Variants in ATOSB observed in about 807,000 individuals in gnomAD.
ATOSB encodes atos homolog protein B.
At chr9:35,114,219 C>T in the ATOSB span, among the ~76,000 whole-genome samples, 3 of 152,146 alleles carry the variant, frequency 2.0e-5, no homozygotes, top group Admixed American at 6.5e-5. Context: ...CACAAACCGC[C>T]CCAGTCCTGA....
the ATOSB span, among the ~76,000 whole-genome samples, chr9:35,107,079 T>C: frequency 2.0e-5 from 3 of 152,114 alleles, no homozygotes; most frequent in East Asian, 5.8e-4. Context: ...CACAACACTT[T>C]AGAAGGCCAA....
chr9:35,108,097 A>G, the ATOSB span: 2 of 1,549,580 alleles, frequency 1.3e-6, no homozygotes, highest in Non-Finnish European at 1.7e-6. Flanking sequence ...TGAGGCTCAG[A>G]GGTACCAGCC....
the ATOSB span, chr9:35,107,017 A>C: frequency 2.4e-6 from 2 of 845,644 alleles, no homozygotes; most frequent in Non-Finnish European, 3.8e-6. Context: ...CCACACAAAT[A>C]TCCACTTAAG....
the ATOSB span, chr9:35,105,474 T>G: frequency 1.1e-5 from 15 of 1,426,186 alleles, no homozygotes; most frequent in Non-Finnish European, 1.4e-5. This position sits in a 1 kb window ranked among gnomAD's most constrained non-coding sequence, Gnocchi z 5.5. Flanking sequence ...GGAGGACTGC[T>G]TGAGCCCAGG....
chr9:35,108,042 T>G, the ATOSB span: 1 of 1,536,756 alleles, frequency 6.5e-7, no homozygotes, highest in African/African-American at 1.4e-5. Flanking sequence ...TCTCTTCAGC[T>G]CCCGGGGACC....
the ATOSB span, chr9:35,108,136 C>A: frequency 1.3e-6 from 2 of 1,575,142 alleles, no homozygotes; most frequent in South Asian, 1.2e-5. Flanking sequence ...ACCTGGTAGA[C>A]CCCGGGGGAT....
At chr9:35,108,358 G>C in the ATOSB span, 1 of 1,435,888 alleles carries the variant, frequency 7.0e-7, no homozygotes, top group Non-Finnish European at 9.1e-7. Flanking sequence ...ATCTGTGTAA[G>C]AGAAGAGAAG....
At chr9:35,106,798 C>A in the ATOSB span, 1 of 1,554,492 alleles carries the variant, frequency 6.4e-7, no homozygotes. The surrounding 1 kb of genome is among the most constrained non-coding windows in gnomAD (Gnocchi z 4.6). Context: ...CCCCCATTCT[C>A]AGGGACAGGG....
At chr9:35,108,167 G>A in the ATOSB span, 5 of 1,591,878 alleles carry the variant, frequency 3.1e-6, no homozygotes, top group South Asian at 5.6e-5. Flanking sequence ...CTGCTGGGCT[G>A]TAGCCCATGA....
At chr9:35,108,330 G>GCTGGGGGGC in the ATOSB span, 1 of 1,483,818 alleles carries the variant, frequency 6.7e-7, no homozygotes, top group Non-Finnish European at 8.9e-7. Context: ...CTGGGCCTGG[G>GCTGGGGGGC]CTGGGGGGCC....
chr9:35,106,946 G>A, the ATOSB span: 5 of 1,476,840 alleles, frequency 3.4e-6, no homozygotes, highest in Non-Finnish European at 4.6e-6. The surrounding 1 kb of genome is among the most constrained non-coding windows in gnomAD (Gnocchi z 4.6). Flanking sequence ...GTATGTTTTG[G>A]GGCAGAAGCT....
At chr9:35,113,452 C>T in the ATOSB span, among the ~76,000 whole-genome samples, 2 of 152,000 alleles carry the variant, frequency 1.3e-5, no homozygotes, top group South Asian at 2.1e-4. Flanking sequence ...GGTGAAACCC[C>T]GTCTCTACTA....
chr9:35,105,047 C>T, the ATOSB span: 1 of 646,168 alleles, frequency 1.5e-6, no homozygotes, highest in Non-Finnish European at 2.5e-6. This position sits in a 1 kb window ranked among gnomAD's most constrained non-coding sequence, Gnocchi z 5.5. Context: ...CGAAGTAGGG[C>T]AGGGTGTAGT....
At chr9:35,105,032 G>T in the ATOSB span, 1 of 555,382 alleles carries the variant, frequency 1.8e-6, no homozygotes. The surrounding 1 kb of genome is among the most constrained non-coding windows in gnomAD (Gnocchi z 5.5). Flanking sequence ...GGCACATGGA[G>T]TACCCGAAGT....
chr9:35,109,882 C>G, the ATOSB span: 2 of 152,516 alleles, frequency 1.3e-5, no homozygotes, highest in African/African-American at 4.8e-5. Flanking sequence ...ACCCCTCCAT[C>G]CAACCCCAAG....
chr9:35,114,759 C>T, the ATOSB span, among the ~76,000 whole-genome samples: 3 of 152,322 alleles, frequency 2.0e-5, no homozygotes, highest in African/African-American at 4.8e-5. Flanking sequence ...CACTTCCCCC[C>T]TCCCACAGAA....
chr9:35,106,025 G>A, the ATOSB span: 20 of 1,610,774 alleles, frequency 1.2e-5, no homozygotes, highest in Non-Finnish European at 1.5e-5. This position sits in a 1 kb window ranked among gnomAD's most constrained non-coding sequence, Gnocchi z 4.6. Context: ...AGGCCAGGGA[G>A]CCATCAGTCA....
the ATOSB span, among the ~76,000 whole-genome samples, chr9:35,114,069 CTGT>C: frequency 6.6e-6 from 1 of 152,194 alleles, no homozygotes; most frequent in African/African-American, 2.4e-5. Flanking sequence ...ATTCTAATGA[CTGT>C]TGTTCACTCA....
At chr9:35,107,548 T>G in the ATOSB span, 1 of 1,597,610 alleles carries the variant, frequency 6.3e-7, no homozygotes, top group Admixed American at 1.8e-5. Flanking sequence ...GGAAGCAGCC[T>G]TCGCTTGGTG....
Sources: gnomAD v4.1 joint callset for allele counts (sites outside exome capture counted in the v4.1 genomes callset) on GRCh38, gnomAD v4.1.1 for gene constraint, Gnocchi (gnomAD v3.1) non-coding constraint, MANE v1.5 for transcripts, NCBI Gene and HGNC (gene_info 2026-07-23, HGNC 2026-07-21) for gene names.